The following ARHGEF9 variants were observed in gnomAD, a reference collection of about 807,000 sequenced individuals.
ARHGEF9 encodes Cdc42 guanine nucleotide exchange factor 9.
In ARHGEF9, 2 loss-of-function variants were observed where a neutral mutation model predicts 41.3. The observed-to-expected ratio is 0.05, with a 90% confidence interval of 0.02 to 0.15. ARHGEF9 has a LOEUF of 0.15. ARHGEF9 is among the 10% of genes least tolerant of loss of function. ARHGEF9 has a pLI of 1.00. For synonymous variants in ARHGEF9, 160 were observed against 154.4 expected, an observed-to-expected ratio of 1.04 and a Z score of -0.27; for missense variants, 225 against 424.7, an observed-to-expected ratio of 0.53 and a Z score of 4.13.
chrX:63,665,038 T>C (rs2049441311), intron 7 of ARHGEF9, among the ~76,000 whole-genome samples: 1 of 112,014 alleles, frequency 8.9e-6, no homozygotes, highest in South Asian at 3.7e-4. Context: ...GGTAGCATGG[T>C]GAATTTGTAA....
intron 2 of ARHGEF9, 63 bp downstream of exon 2, chrX:63,724,469 G>A: frequency 8.8e-7 from 1 of 1,135,935 alleles, no homozygotes; most frequent in Non-Finnish European, 1.2e-6. Context: ...AGAGGCTGGT[G>A]AAGGGGAAGC....
At chrX:63,676,193 C>T (rs1182834607) in intron 5 of ARHGEF9, among the ~76,000 whole-genome samples, 1 of 112,222 alleles carries the variant, frequency 8.9e-6, no homozygotes, top group Non-Finnish European at 1.9e-5. Context: ...AGAGCCATGG[C>T]TCTCAAACAA....
At chrX:63,761,549 T>C (rs1405737850) in intron 1 of ARHGEF9, among the ~76,000 whole-genome samples, 1 of 111,805 alleles carries the variant, frequency 8.9e-6, no homozygotes, top group African/African-American at 3.3e-5. Flanking sequence ...TATTCTCTGC[T>C]ACAGCCTGAG....
chrX:63,705,909 G>C (rs1258600901), intron 3 of ARHGEF9, among the ~76,000 whole-genome samples: 1 of 111,362 alleles, frequency 9.0e-6, no homozygotes, highest in Non-Finnish European at 1.9e-5. Context: ...TAATGAGTGA[G>C]GTTAAGCCCT....
At chrX:63,768,372 A>G (rs1395119635) in intron 1 of ARHGEF9, among the ~76,000 whole-genome samples, 5 of 111,662 alleles carry the variant, frequency 4.5e-5, no homozygotes, top group Non-Finnish European at 9.4e-5. Context: ...TTCTTCATCC[A>G]CTCATCAATT....
At chrX:63,722,833 C>T (rs1387564479) in intron 2 of ARHGEF9, 4 of 111,362 alleles carry the variant, frequency 3.6e-5, no homozygotes, top group African/African-American at 1.3e-4. Flanking sequence ...TTCTGACTAT[C>T]CCTGGGACTG....
rs781904925 is a variant in ARHGEF9, at chrX:63,638,121, G to A, written c.1479C>T (p.Ile493=). The part of the protein sequence containing the change: ...NHGQYLVPDG[I]AQSQVFEFTE... ...TGAACTCAAAGACCTGCGACTGAGC[G>A]ATGCCGTCGGGGACCAGGTACTGGC... The change falls in exon 10 of 10, where the codon ATC becomes ATT. Residue 493 remains isoleucine, a synonymous_variant. Coordinates refer to ENST00000671741, the MANE Select transcript of ARHGEF9 (RefSeq NM_001353921.2). 17 of 1,207,455 alleles carry A rather than the reference G, an allele frequency of 1.4e-5. No homozygotes were observed. The highest frequency in any genetic ancestry group is 1.7e-5 in the Non-Finnish European group (15 of 893,512).
intron 1 of ARHGEF9, among the ~76,000 whole-genome samples, chrX:63,763,811 C>G (rs782665559): frequency 5.2e-4 from 58 of 111,348 alleles, no homozygotes; most frequent in Non-Finnish European, 8.1e-4. Context: ...AGAACAATGT[C>G]CAGCACATAG....
intron 4 of ARHGEF9, among the ~76,000 whole-genome samples, chrX:63,688,086 CAA>C (rs2051099423): frequency 9.0e-6 from 1 of 110,934 alleles, no homozygotes; most frequent in Non-Finnish European, 1.9e-5. Context: ...GGTTAACAGA[CAA>C]AGAGGGAAAT....
At chrX:63,746,317 C>T (rs1484186049) in intron 1 of ARHGEF9, among the ~76,000 whole-genome samples, 1 of 112,213 alleles carries the variant, frequency 8.9e-6, no homozygotes, top group Non-Finnish European at 1.9e-5. Context: ...CTGGCCTGAA[C>T]ACATCCCTCT....
intron 1 of ARHGEF9, among the ~76,000 whole-genome samples, chrX:63,749,459 G>C (rs1251223301): frequency 3.6e-5 from 4 of 111,625 alleles, no homozygotes; most frequent in Non-Finnish European, 7.5e-5. Flanking sequence ...TCGAAATCCT[G>C]ACCTCAGGTG....
At chrX:63,644,188 C>T in intron 8 of ARHGEF9, 140 bp from the exon 9 acceptor site, 1 of 428,578 alleles carries the variant, frequency 2.3e-6, no homozygotes, top group African/African-American at 2.5e-5. Context: ...AAAATCATTC[C>T]CTTTAACCCA....
chrX:63,758,140 T>G (rs1388283357), intron 1 of ARHGEF9, among the ~76,000 whole-genome samples: 2 of 108,561 alleles, frequency 1.8e-5, no homozygotes, highest in Non-Finnish European at 3.8e-5. Context: ...TTTTTTTTTT[T>G]TTTTGTCACT....
intron 4 of ARHGEF9, among the ~76,000 whole-genome samples, chrX:63,694,868 T>C (rs185072167): frequency 1.1e-3 from 124 of 112,127 alleles, no homozygotes; most frequent in African/African-American, 3.8e-3. Context: ...GTAAATTATA[T>C]CTACGTAAAG....
intron 1 of ARHGEF9, among the ~76,000 whole-genome samples, chrX:63,750,876 C>A (rs782581904): frequency 2.3e-4 from 26 of 110,972 alleles, no homozygotes; most frequent in Non-Finnish European, 4.3e-4. Flanking sequence ...GAGGCATTTG[C>A]AGGAAATTGG....
At chrX:63,779,357 G>A (rs782110168) in intron 1 of ARHGEF9, among the ~76,000 whole-genome samples, 1 of 112,365 alleles carries the variant, frequency 8.9e-6, no homozygotes, top group Admixed American at 9.4e-5. Context: ...GAGGCCTCAC[G>A]ATCACGGCAG....
At chrX:63,741,434 C>T (rs1201082146) in intron 1 of ARHGEF9, among the ~76,000 whole-genome samples, 1 of 112,583 alleles carries the variant, frequency 8.9e-6, no homozygotes, top group Non-Finnish European at 1.9e-5. Context: ...CCTGTCATGC[C>T]CACTTAGGAA....
At chrX:63,666,673 G>T (rs1225044739) in intron 6 of ARHGEF9, among the ~76,000 whole-genome samples, 2 of 110,000 alleles carry the variant, frequency 1.8e-5, no homozygotes, top group African/African-American at 6.6e-5. Context: ...GAGAGAAAAA[G>T]AACCCACTCC....
intron 1 of ARHGEF9, among the ~76,000 whole-genome samples, chrX:63,753,109 G>T (rs1356532898): frequency 4.5e-5 from 5 of 112,277 alleles, no homozygotes; most frequent in African/African-American, 1.6e-4. Context: ...AGCTTTCTCA[G>T]AGGAAACAGA....
Sources: gnomAD v4.1 joint callset for allele counts (sites outside exome capture counted in the v4.1 genomes callset) on GRCh38, gnomAD v4.1.1 for gene constraint, MANE v1.5 for transcripts, NCBI Gene and HGNC (gene_info 2026-07-23, HGNC 2026-07-21) for gene names.